The following NAALADL2 variants were observed in gnomAD, a reference collection of about 807,000 sequenced individuals.
NAALADL2 encodes inactive N-acetylated-alpha-linked acidic dipeptidase-like protein 2.
A neutral mutation model predicts 87.2 loss-of-function variants in NAALADL2; 76 were observed. The ratio of observed to expected loss-of-function variants is 0.87; its 90% CI spans 0.72 to 1.05. The LOEUF is 1.05. Ranked by LOEUF, NAALADL2 falls within the 50% of genes least tolerant of loss-of-function variation. The pLI is 0.00. For missense variants in NAALADL2, 1,089 were observed against 945.8 expected, an observed-to-expected ratio of 1.15 and a Z score of -1.99; for synonymous variants, 354 against 331.0, an observed-to-expected ratio of 1.07 and a Z score of -0.75.
At chr3:174,720,045 A>G (rs1731559948) in intron 2 of NAALADL2, among the ~76,000 whole-genome samples, 1 of 152,048 alleles carries the variant, frequency 6.6e-6, no homozygotes, top group African/African-American at 2.4e-5. Context: ...CGTGATTCAC[A>G]TGCCTTGGCC....
chr3:174,986,358 TTTG>T lies in NAALADL2; in HGVS notation c.44-110429_44-110427del, dbSNP rs576191589. 5.5e-4 allele frequency among the ~76,000 whole-genome samples: 82 copies of T among 148,588 alleles called. 1 individual carries two copies. The highest frequency in any genetic ancestry group is 1.0e-3 in the Non-Finnish European group (68 of 67,436). ...TATTCCATAAGGATTATTGTTATAT[TTTG>T]TTATGTTTAGTTGCTGTAGTTTGTT... On this transcript the variant is annotated intron_variant, in intron 1 of 13. Transcript: ENST00000454872.
At chr3:174,488,625 A>C (rs1408673271) in intron 1 of NAALADL2, among the ~76,000 whole-genome samples, 1 of 152,064 alleles carries the variant, frequency 6.6e-6, no homozygotes, top group Non-Finnish European at 1.5e-5. Context: ...TATCTGGGAT[A>C]AGTTCTTAGT....
intron 1 of NAALADL2, among the ~76,000 whole-genome samples, chr3:174,973,733 G>T (rs1579806897): frequency 6.6e-6 from 1 of 152,118 alleles, no homozygotes. Context: ...GTACAGACCT[G>T]TACAGCATGT....
chr3:174,781,290 GT>G (rs1196368950), intron 3 of NAALADL2, among the ~76,000 whole-genome samples: 3 of 150,752 alleles, frequency 2.0e-5, no homozygotes, highest in Admixed American at 6.6e-5. Context: ...TATCTTTGTG[GT>G]GTTCTCTGTA....
intron 1 of NAALADL2, among the ~76,000 whole-genome samples, chr3:175,078,032 T>G (rs1369213211): frequency 1.3e-5 from 2 of 151,804 alleles, no homozygotes; most frequent in African/African-American, 4.8e-5. Flanking sequence ...TTCTTTCTTT[T>G]TTTTTTTTTC....
intron 9 of NAALADL2, among the ~76,000 whole-genome samples, chr3:175,504,893 G>C (rs755665473): frequency 1.3e-5 from 2 of 152,150 alleles, no homozygotes; most frequent in Admixed American, 6.6e-5. Context: ...ATGAATGTTA[G>C]CTATATGTGT....
At chr3:174,927,799 C>T (rs753399914) in intron 1 of NAALADL2, among the ~76,000 whole-genome samples, 1 of 152,072 alleles carries the variant, frequency 6.6e-6, no homozygotes, top group African/African-American at 2.4e-5. Flanking sequence ...ATTGAAAGAA[C>T]TAGAGAAGCA....
Position 175,095,699 on chromosome 3 carries a change from C to A in NAALADL2, c.44-1091C>A, listed in dbSNP as rs190451484. Among the ~76,000 whole-genome samples the A allele has an allele frequency of 7.0e-3, 1,060 of 152,128 alleles. 8 individuals are homozygous for A. Among genetic ancestry groups the A allele is most frequent in the Non-Finnish European group, 9.4e-3 (638 of 67,974 alleles). ...TTTTTCATAGGAATTTACTTGTCTA[C>A]CACGATTCCTAAGGCAATTAGCTTA... is the stretch of plus-strand genomic sequence containing the variant. On this transcript the variant is annotated intron_variant, in intron 1 of 13. Transcript: ENST00000454872.
At chr3:175,037,395 C>T (rs1753549979) in intron 1 of NAALADL2, among the ~76,000 whole-genome samples, 1 of 152,030 alleles carries the variant, frequency 6.6e-6, no homozygotes, top group Non-Finnish European at 1.5e-5. Context: ...GAGAAATTGC[C>T]TCATGACAAC....
intron 1 of NAALADL2, among the ~76,000 whole-genome samples, chr3:174,496,624 C>T (rs1284803366): frequency 1.3e-5 from 2 of 151,438 alleles, no homozygotes; most frequent in African/African-American, 4.8e-5. Flanking sequence ...TTTAAGAACC[C>T]TCAGTTAAGA....
chr3:174,626,877 A>G (rs1460379649), intron 2 of NAALADL2, among the ~76,000 whole-genome samples: 2 of 152,040 alleles, frequency 1.3e-5, no homozygotes, highest in Non-Finnish European at 2.9e-5. Flanking sequence ...TGAGACACAC[A>G]TTTTTTCATG....
At chr3:175,802,808 T>C (rs967999001) in intron 13 of NAALADL2, among the ~76,000 whole-genome samples, 197 bp from the exon 14 acceptor site, 2 of 152,146 alleles carry the variant, frequency 1.3e-5, no homozygotes, top group African/African-American at 2.4e-5. Flanking sequence ...TCTCTCTTTC[T>C]CATCAATATG....
At chr3:174,995,463 A>C (rs962570957) in intron 1 of NAALADL2, among the ~76,000 whole-genome samples, 6 of 152,164 alleles carry the variant, frequency 3.9e-5, no homozygotes, top group African/African-American at 1.4e-4. Flanking sequence ...CATTTCTCCT[A>C]TTGAACAAGC....
intron 10 of NAALADL2, among the ~76,000 whole-genome samples, chr3:175,606,275 T>C (rs1252912793): frequency 6.6e-6 from 1 of 152,196 alleles, no homozygotes; most frequent in African/African-American, 2.4e-5. Context: ...TGAGGGATAC[T>C]TGATAGAAAA....
At chr3:175,122,362 T>G (rs1726288304) in intron 2 of NAALADL2, among the ~76,000 whole-genome samples, 1 of 151,848 alleles carries the variant, frequency 6.6e-6, no homozygotes, top group Admixed American at 6.6e-5. Flanking sequence ...AACCAAGCAT[T>G]GGTTTTGGCC....
intron 2 of NAALADL2, among the ~76,000 whole-genome samples, chr3:174,731,145 G>C (rs568683734): frequency 6.6e-6 from 1 of 152,144 alleles, no homozygotes; most frequent in Admixed American, 6.5e-5. Context: ...ATGACTTTGA[G>C]CTGGGGATAT....
intron 3 of NAALADL2, among the ~76,000 whole-genome samples, chr3:174,758,090 A>T (rs888133737): frequency 1.3e-5 from 2 of 152,184 alleles, no homozygotes; most frequent in Non-Finnish European, 2.9e-5. Flanking sequence ...ACTGCAGGTC[A>T]TGAGTGCCAA....
intron 2 of NAALADL2, among the ~76,000 whole-genome samples, chr3:174,553,907 T>C (rs1712446133): frequency 6.6e-6 from 1 of 152,144 alleles, no homozygotes; most frequent in Non-Finnish European, 1.5e-5. Flanking sequence ...CAGATGAGTG[T>C]TAGGTAATTC....
chr3:174,583,575 G>T (rs936039263), intron 2 of NAALADL2, among the ~76,000 whole-genome samples: 1 of 152,062 alleles, frequency 6.6e-6, no homozygotes, highest in Non-Finnish European at 1.5e-5. Flanking sequence ...ACTCCTTAGG[G>T]TCAATTCTAC....
Sources: allele counts gnomAD v4.1 joint callset (sites outside exome capture counted in the v4.1 genomes callset), GRCh38; gene constraint gnomAD v4.1.1; transcripts MANE v1.5; gene names NCBI Gene and HGNC (gene_info 2026-07-23, HGNC 2026-07-21).